SLC7A14: variants seen among roughly 807,000 people sequenced by gnomAD.
SLC7A14 encodes solute carrier family 7 member 14.
In SLC7A14, 37 loss-of-function variants were observed where a neutral mutation model predicts 60.2. That is an observed-to-expected ratio of 0.61 (90% confidence interval 0.47 to 0.81). SLC7A14 has a LOEUF of 0.81. Ranked by LOEUF, SLC7A14 falls within the 30% of genes least tolerant of loss-of-function variation. The pLI is 0.00. For missense variants in SLC7A14, 886 were observed against 982.7 expected, an observed-to-expected ratio of 0.90 and a Z score of 1.32; for synonymous variants, 399 against 395.8, an observed-to-expected ratio of 1.01 and a Z score of -0.10.
chr3:170,484,316 C>T (rs1209833465), intron 5 of SLC7A14, among the ~76,000 whole-genome samples: 2 of 152,204 alleles, frequency 1.3e-5, no homozygotes, highest in African/African-American at 4.8e-5. Flanking sequence ...TCTACCCTAC[C>T]ACCCCTCCTT....
chr3:170,488,767 A>G (rs111991901), intron 4 of SLC7A14, among the ~76,000 whole-genome samples: 3 of 152,238 alleles, frequency 2.0e-5, no homozygotes, highest in African/African-American at 7.2e-5. Context: ...TTGGGGGAAA[A>G]TCTTCAGGAC....
intron 4 of SLC7A14, among the ~76,000 whole-genome samples, chr3:170,494,740 C>T (rs1482983705): frequency 6.6e-6 from 1 of 152,240 alleles, no homozygotes; most frequent in Admixed American, 6.5e-5. Context: ...ATAAACAATG[C>T]ATATGCAGCC....
intron 2 of SLC7A14, among the ~76,000 whole-genome samples, chr3:170,504,706 C>T (rs571778372): frequency 1.1e-4 from 17 of 152,152 alleles, no homozygotes; most frequent in Admixed American, 4.6e-4. Context: ...TGAAATGAGA[C>T]GGCCAATTAG....
chr3:170,571,049 C>T (rs933554136), intron 1 of SLC7A14, among the ~76,000 whole-genome samples: 1 of 152,140 alleles, frequency 6.6e-6, no homozygotes, highest in African/African-American at 2.4e-5. Context: ...CCTTAATATA[C>T]TCCAGTCCAT....
intron 1 of SLC7A14, among the ~76,000 whole-genome samples, chr3:170,581,118 G>A (rs1262235840): frequency 1.3e-5 from 2 of 152,148 alleles, no homozygotes; most frequent in African/African-American, 4.8e-5. Context: ...TTTAAGGTTA[G>A]AATCCCTAAT....
chr3:170,475,004 A>G (rs1302319147), intron 7 of SLC7A14, among the ~76,000 whole-genome samples: 1 of 152,230 alleles, frequency 6.6e-6, no homozygotes, highest in Non-Finnish European at 1.5e-5. Context: ...TGCTAGTTCC[A>G]TGTTCCCTGA....
At chr3:170,518,189 T>C (rs1214566571) in intron 2 of SLC7A14, among the ~76,000 whole-genome samples, 2 of 152,124 alleles carry the variant, frequency 1.3e-5, no homozygotes, top group East Asian at 1.9e-4. Flanking sequence ...AAGGAGGTGC[T>C]ACATGAAAGC....
intron 1 of SLC7A14, among the ~76,000 whole-genome samples, chr3:170,547,449 C>T (rs1324977747): frequency 6.6e-6 from 1 of 152,080 alleles, no homozygotes; most frequent in African/African-American, 2.4e-5. Context: ...CATAAATGGT[C>T]AACACATATT....
intron 4 of SLC7A14, 122 bp from the exon 5 acceptor site, chr3:170,486,490 GT>G: frequency 3.2e-6 from 4 of 1,238,546 alleles, no homozygotes; most frequent in South Asian, 1.4e-5. Flanking sequence ...GAGTAACATG[GT>G]GGAACTCGTG....
intron 2 of SLC7A14, among the ~76,000 whole-genome samples, chr3:170,506,695 A>G (rs1712790052): frequency 6.6e-6 from 1 of 152,168 alleles, no homozygotes; most frequent in African/African-American, 2.4e-5. Flanking sequence ...ACCCAATAGC[A>G]AAGATAATCA....
chr3:170,557,728 C>A (rs1005221432), intron 1 of SLC7A14, among the ~76,000 whole-genome samples: 5 of 151,994 alleles, frequency 3.3e-5, no homozygotes, highest in African/African-American at 1.2e-4. Context: ...TAGTATCTTC[C>A]CCAAAAGTAT....
At chr3:170,513,592 G>A (rs1283927707) in intron 2 of SLC7A14, among the ~76,000 whole-genome samples, 1 of 152,202 alleles carries the variant, frequency 6.6e-6, no homozygotes, top group Non-Finnish European at 1.5e-5. Flanking sequence ...ATCTATGAGA[G>A]TGACGAGTGG....
chr3:170,519,932 T>A (rs1392244260), intron 2 of SLC7A14, among the ~76,000 whole-genome samples: 3 of 152,180 alleles, frequency 2.0e-5, no homozygotes, highest in Non-Finnish European at 4.4e-5. Flanking sequence ...GGAAGCCAAA[T>A]GTCTGACTGG....
intron 1 of SLC7A14, among the ~76,000 whole-genome samples, chr3:170,553,519 C>T (rs572117205): frequency 6.6e-6 from 1 of 152,258 alleles, no homozygotes; most frequent in African/African-American, 2.4e-5. Context: ...GAAAGCCTGC[C>T]AAATAGCAAG....
At chr3:170,574,868 G>A (rs965333946) in intron 1 of SLC7A14, among the ~76,000 whole-genome samples, 8 of 152,302 alleles carry the variant, frequency 5.3e-5, no homozygotes, top group East Asian at 1.9e-4. Flanking sequence ...TCTAGTCACC[G>A]TACTGCTTTT....
intron 2 of SLC7A14, among the ~76,000 whole-genome samples, chr3:170,508,723 G>C (rs982901657): frequency 6.6e-6 from 1 of 152,144 alleles, no homozygotes; most frequent in East Asian, 1.9e-4. Flanking sequence ...AAACATCTCT[G>C]TTCCGTTTAT....
At chr3:170,580,308 A>T (rs1374751557) in intron 1 of SLC7A14, among the ~76,000 whole-genome samples, 1 of 152,196 alleles carries the variant, frequency 6.6e-6, no homozygotes, top group Non-Finnish European at 1.5e-5. Context: ...ATCTCTTGGG[A>T]TCTACAATTA....
intron 1 of SLC7A14, among the ~76,000 whole-genome samples, chr3:170,584,533 C>T (rs938492963): frequency 1.3e-5 from 2 of 152,144 alleles, no homozygotes; most frequent in African/African-American, 4.8e-5. Context: ...TCAGGAAAGC[C>T]GGGAACCTTT....
chr3:170,501,663 G>T (rs1712613229), intron 2 of SLC7A14, among the ~76,000 whole-genome samples: 1 of 152,122 alleles, frequency 6.6e-6, no homozygotes, highest in Non-Finnish European at 1.5e-5. Context: ...GTGTGAACAT[G>T]GGCCCAATTC....
Sources: allele counts gnomAD v4.1 joint callset (sites outside exome capture counted in the v4.1 genomes callset), GRCh38; gene constraint gnomAD v4.1.1; transcripts MANE v1.5; gene names NCBI Gene and HGNC (gene_info 2026-07-23, HGNC 2026-07-21).